Variants in KCNH2 observed in about 807,000 individuals in gnomAD.
The protein encoded by KCNH2 is voltage-gated inwardly rectifying potassium channel KCNH2.
KCNH2 carries 35 observed loss-of-function variants against 95.9 expected under a neutral mutation model. The observed-to-expected ratio is 0.37, with a 90% CI of 0.28 to 0.48. The LOEUF is 0.48. Ranked by LOEUF, KCNH2 falls within the 20% of genes least tolerant of loss-of-function variation. KCNH2 has a pLI of 0.99. For missense variants in KCNH2, 1,274 were observed against 1,702.9 expected (o/e 0.75, Z 4.43); for synonymous variants, 786 against 754.7 (o/e 1.04, Z -0.68).
chr7:150,958,593 A>T, intron 3 of KCNH2, 91 bp from the exon 4 acceptor site: 2 of 1,085,744 alleles, frequency 1.8e-6, no homozygotes, highest in Non-Finnish European at 2.5e-6. Context: ...CCGCTGGGTA[A>T]GGGAAGGAGG....
At chr7:150,955,083 C>T (rs1358762165) in intron 5 of KCNH2, among the ~76,000 whole-genome samples, 1 of 152,234 alleles carries the variant, frequency 6.6e-6, no homozygotes, top group Non-Finnish European at 1.5e-5. Flanking sequence ...TGTCCCACTC[C>T]GCCTCCCCAC....
intron 2 of KCNH2, among the ~76,000 whole-genome samples, chr7:150,966,582 CAGAT>C (rs1801712892): frequency 6.6e-6 from 1 of 152,004 alleles, no homozygotes; most frequent in African/African-American, 2.4e-5. Context: ...AAGAAATCAA[CAGAT>C]AAACAATTAG....
At chr7:150,977,525 T>G (rs1013728217) in intron 1 of KCNH2, among the ~76,000 whole-genome samples, 6 of 151,504 alleles carry the variant, frequency 4.0e-5, no homozygotes, top group African/African-American at 1.5e-4. Context: ...GCACCCAGAG[T>G]TGGGGACACC....
intron 2 of KCNH2, among the ~76,000 whole-genome samples, chr7:150,972,284 G>A (rs1468158785): frequency 1.3e-5 from 2 of 152,234 alleles, no homozygotes; most frequent in Non-Finnish European, 2.9e-5. Context: ...CCCGAGGCTG[G>A]CCCAGGCAGA....
intron 13 of KCNH2, 50 bp downstream of exon 13, chr7:150,947,278 C>G (rs1800930866): frequency 6.8e-7 from 1 of 1,462,012 alleles, no homozygotes; most frequent in South Asian, 1.2e-5. Flanking sequence ...CCGCCAGGAC[C>G]TGGACCAGAC....
chr7:150,957,225 G>T, intron 5 of KCNH2, 66 bp downstream of exon 5: 2 of 1,358,148 alleles, frequency 1.5e-6, no homozygotes, highest in Non-Finnish European at 2.1e-6. Context: ...CTGGATCACA[G>T]CCCACTCCCA....
chr7:150,962,386 T>C lies in KCNH2; in HGVS notation c.308-2650A>G, dbSNP rs41308966. On this transcript the variant is annotated intron_variant, in intron 2 of 14. Coordinates refer to ENST00000262186, the MANE Select transcript of KCNH2 (RefSeq NM_000238.4). The surrounding 1 kb of genome is among the most constrained non-coding windows in gnomAD (Gnocchi z 5.7). Reference sequence around the variant, plus strand: ...TCTGGAGCCAAGATGGACTCAAACTTCAGAATGGGCTGGAGACTGTCCCCA... The same window carrying C: ...TCTGGAGCCAAGATGGACTCAAACTCCAGAATGGGCTGGAGACTGTCCCCA... 7.2e-4 allele frequency among the ~76,000 whole-genome samples: 109 copies of C among 152,160 alleles called. 1 individual carries two copies. The highest frequency in any genetic ancestry group is 2.5e-3 in the African/African-American group (102 of 41,504).
At chr7:150,955,748 C>G in intron 5 of KCNH2, 1 of 1,266,750 alleles carries the variant, frequency 7.9e-7, no homozygotes. Context: ...GTGGCGTGGG[C>G]CCTGCTGCCA....
chr7:150,962,784 G>T lies in KCNH2; in HGVS notation c.308-3048C>A, dbSNP rs1207525648. On this transcript the variant is annotated intron_variant, in intron 2 of 14. Coordinates refer to ENST00000262186, the MANE Select transcript of KCNH2 (RefSeq NM_000238.4). The surrounding 1 kb of genome is among the most constrained non-coding windows in gnomAD (Gnocchi z 5.7). ...CCTGATGGCAGGGGCTGGGGCGGGG[G>T]AGATCTAGCGATCATCAAGGGGATG... 6.6e-6 allele frequency among the ~76,000 whole-genome samples: 1 copy of T among 152,186 alleles called. No individual in the cohort carries two copies. Among genetic ancestry groups the T allele is most frequent in the African/African-American group, 2.4e-5 (1 of 41,430 alleles).
intron 11 of KCNH2, among the ~76,000 whole-genome samples, chr7:150,948,197 G>T (rs1800990624): frequency 6.6e-6 from 1 of 152,170 alleles, no homozygotes. Context: ...AGAGACCCCA[G>T]CCCTGTGAAG....
chr7:150,947,614 G>A lies in KCNH2; in HGVS notation c.2957C>T (p.Pro986Leu), dbSNP rs1221202477. The change falls in exon 12 of 15, where the codon CCC becomes CTC. Residue 986 changes from proline to leucine, a missense_variant. Coordinates refer to ENST00000262186, the MANE Select transcript of KCNH2 (RefSeq NM_000238.4). ...DCEKSSDTCN[P>L]LSGAFSGVSN... ...CCCGTCGCCCGGGATACCTGACAGG[G>A]GGTTGCAAGTGTCGCTGCTCTTCTC... The A allele has an allele frequency of 6.2e-7, 1 of 1,612,806 alleles. No homozygotes were observed. Among genetic ancestry groups the A allele is most frequent in the Non-Finnish European group, 8.5e-7 (1 of 1,179,584 alleles).
intron 7 of KCNH2, 58 bp from the exon 8 acceptor site, chr7:150,951,178 G>A: frequency 6.9e-7 from 1 of 1,451,178 alleles, no homozygotes; most frequent in Non-Finnish European, 9.4e-7. Context: ...CCACCCACAG[G>A]GACCCTGCTC....
At chr7:150,960,057 C>G (rs1411986648) in intron 2 of KCNH2, among the ~76,000 whole-genome samples, 2 of 152,176 alleles carry the variant, frequency 1.3e-5, no homozygotes, top group African/African-American at 4.8e-5. Flanking sequence ...TCTTTGATCT[C>G]ATTTCCTCCC....
Position 150,947,115 on chromosome 7 carries a change from G to C in KCNH2, c.3153-61C>G, listed in dbSNP as rs1475618761. ...GGACACCAGTGACAGCCTCCACCGG[G>C]AGTGGGGAAGGGGAAGGGGAGGGGG... On this transcript the variant is annotated intron_variant, in intron 13 of 14. Transcript: ENST00000262186. 7.7e-6 allele frequency: 6 copies of C among 781,506 alleles called. 1 individual carries two copies. Among genetic ancestry groups the C allele is most frequent in the Non-Finnish European group, 1.2e-5 (6 of 520,638 alleles). 48.4% of individuals were successfully genotyped at this position (781,506 alleles called of 1,614,324 possible).
At chr7:150,973,559 T>C (rs776501591) in intron 2 of KCNH2, among the ~76,000 whole-genome samples, 3 of 152,244 alleles carry the variant, frequency 2.0e-5, no homozygotes, top group Admixed American at 2.0e-4. Flanking sequence ...AACCCTGATT[T>C]GCTGTGAGCG....
Position 150,947,589 on chromosome 7 carries a change from C to T in KCNH2, c.2965+17G>A, listed in dbSNP as rs756765646. On this transcript the variant is annotated intron_variant, in intron 12 of 14. Coordinates refer to ENST00000262186, the MANE Select transcript of KCNH2 (RefSeq NM_000238.4). ...GCCACGCCCGGTCCTCCCTCGCCCG[C>T]CCGTCGCCCGGGATACCTGACAGGG... 1.2e-6 allele frequency: 2 copies of T among 1,611,250 alleles called. No individual in the cohort carries two copies. Among genetic ancestry groups the T allele is most frequent in the East Asian group, 2.2e-5 (1 of 44,792 alleles).
At chr7:150,965,627 C>A (rs532012481) in intron 2 of KCNH2, among the ~76,000 whole-genome samples, 3 of 152,306 alleles carry the variant, frequency 2.0e-5, no homozygotes, top group African/African-American at 7.2e-5. Context: ...CTAGGACCCC[C>A]TCTAGAAAGG....
At chr7:150,970,430 C>T (rs1407811372) in intron 2 of KCNH2, among the ~76,000 whole-genome samples, 3 of 152,340 alleles carry the variant, frequency 2.0e-5, no homozygotes, top group African/African-American at 4.8e-5. Context: ...GCTCTCCCGA[C>T]GCTCTCCAGA....
Position 150,950,412 on chromosome 7 carries a change from C to T in KCNH2, c.2154G>A (p.Lys718=). 6.2e-7 allele frequency: 1 copy of T among 1,611,716 alleles called. No homozygotes were observed. The highest frequency in any genetic ancestry group is 8.5e-7 in the Non-Finnish European group (1 of 1,179,944). The change falls in exon 9 of 15, where the codon AAG becomes AAA. Residue 718 remains lysine (K), a synonymous_variant. Transcript: ENST00000262186. ...CAGCCTGCAGGCACTCAGGGAAGCCCTTCAGCACCTGGGGGCAGGGTGGGG... is the reference window on the plus strand; with the variant it reads ...CAGCCTGCAGGCACTCAGGGAAGCCTTTCAGCACCTGGGGGCAGGGTGGGG... The part of the protein sequence containing the change: ...TNGIDMNAVL[K]GFPECLQADI...
Sources: allele counts gnomAD v4.1 joint callset (sites outside exome capture counted in the v4.1 genomes callset), GRCh38; gene constraint gnomAD v4.1.1; non-coding constraint Gnocchi (gnomAD v3.1); transcripts MANE v1.5; gene names NCBI Gene and HGNC (gene_info 2026-07-23, HGNC 2026-07-21).